The following GRIA4 variants were observed in gnomAD, a reference collection of about 807,000 sequenced individuals.
GRIA4 encodes the protein glutamate receptor 4.
GRIA4 carries 34 observed loss-of-function variants against 104.0 expected under a neutral mutation model. That is an observed-to-expected ratio of 0.33 (90% CI 0.25 to 0.44). The LOEUF is 0.44. Ranked by LOEUF, GRIA4 falls within the 20% of genes least tolerant of loss-of-function variation. The pLI, the probability that GRIA4 is intolerant of heterozygous loss-of-function variation, is 1.00. For missense variants in GRIA4, 750 were observed against 1,096.5 expected, an observed-to-expected ratio of 0.68 and a Z score of 4.46; for synonymous variants, 386 against 381.9, an observed-to-expected ratio of 1.01 and a Z score of -0.13.
At chr11:105,849,386 A>G (rs552585486) in intron 4 of GRIA4, among the ~76,000 whole-genome samples, 2 of 152,214 alleles carry the variant, frequency 1.3e-5, no homozygotes, top group South Asian at 2.1e-4. Flanking sequence ...GATGGACAGT[A>G]TCCAGCTCAG....
At chr11:105,720,843 A>G (rs1937758516) in intron 3 of GRIA4, among the ~76,000 whole-genome samples, 1 of 152,158 alleles carries the variant, frequency 6.6e-6, no homozygotes, top group Non-Finnish European at 1.5e-5. Flanking sequence ...CATTCGGAAT[A>G]GTGTCCCCCA....
At chr11:105,689,330 C>G (rs1332910937) in intron 3 of GRIA4, among the ~76,000 whole-genome samples, 1 of 152,136 alleles carries the variant, frequency 6.6e-6, no homozygotes, top group East Asian at 1.9e-4. Flanking sequence ...CCAAACCCTC[C>G]TTTGCCTGTT....
intron 4 of GRIA4, among the ~76,000 whole-genome samples, chr11:105,777,836 A>G (rs2135760279): frequency 6.6e-6 from 1 of 152,314 alleles, no homozygotes; most frequent in South Asian, 2.1e-4. Flanking sequence ...ACTAACAGAA[A>G]CCCACTACAG....
chr11:105,686,342 G>A lies in GRIA4; in HGVS notation c.248-66639G>A, dbSNP rs184573314. On this transcript the variant is annotated intron_variant, in intron 3 of 16. Transcript: ENST00000282499. ...AAGTGGTTTTTGGTTTAATGTTCCT[G>A]CGTTAATTCACTTAAGCTAGTGGCT... 2.0e-5 allele frequency among the ~76,000 whole-genome samples: 3 copies of A among 152,262 alleles called. No individual in the cohort carries two copies. In the East Asian group the frequency reaches 5.8e-4, roughly 29 times the overall value.
At chr11:105,744,590 T>C (rs530169702) in intron 3 of GRIA4, among the ~76,000 whole-genome samples, 1 of 152,178 alleles carries the variant, frequency 6.6e-6, no homozygotes, top group Non-Finnish European at 1.5e-5. Context: ...TCATATTCAA[T>C]TGGGGAAAAA....
At chr11:105,627,142 T>C (rs1273064732) in intron 3 of GRIA4, among the ~76,000 whole-genome samples, 2 of 152,210 alleles carry the variant, frequency 1.3e-5, no homozygotes, top group Non-Finnish European at 2.9e-5. Flanking sequence ...ACAATCTGCT[T>C]AGTCTTTGAA....
intron 3 of GRIA4, among the ~76,000 whole-genome samples, chr11:105,655,614 G>T (rs1383261379): frequency 6.6e-6 from 1 of 152,018 alleles, no homozygotes; most frequent in Non-Finnish European, 1.5e-5. Context: ...TTAGTTTGCT[G>T]AGAATGATGG....
At chr11:105,851,322 T>C (rs1944800476) in intron 4 of GRIA4, among the ~76,000 whole-genome samples, 2 of 152,152 alleles carry the variant, frequency 1.3e-5, no homozygotes, top group Non-Finnish European at 2.9e-5. Context: ...GTCTCATACT[T>C]AAAGGGAAGT....
intron 4 of GRIA4, among the ~76,000 whole-genome samples, chr11:105,841,658 T>G (rs1944399657): frequency 6.6e-6 from 1 of 152,194 alleles, no homozygotes; most frequent in Admixed American, 6.5e-5. Flanking sequence ...TTTTGTACAT[T>G]TTCTTGTCAT....
intron 14 of GRIA4, among the ~76,000 whole-genome samples, chr11:105,938,898 C>G (rs1215885959): frequency 6.6e-6 from 1 of 152,176 alleles, no homozygotes; most frequent in Non-Finnish European, 1.5e-5. Flanking sequence ...CTGCATTCCT[C>G]TCTTTCCAGA....
rs572841905 is a variant in GRIA4, at chr11:105,957,325, A to C, written c.2295-14589A>C. ...AAGGGATCCAGTTTCAGCTTTCTAC[A>C]TATGGCTAGCCAGTTTTCCCAGGAC... On this transcript the variant is annotated intron_variant, in intron 14 of 16. Transcript: ENST00000282499. Among the ~76,000 whole-genome samples the C allele has an allele frequency of 6.0e-3, 913 of 152,324 alleles. 4 individuals are homozygous for C. The highest frequency in any genetic ancestry group is 0.017 in the Middle Eastern group (5 of 294).
At chr11:105,950,607 A>G (rs533833999) in intron 14 of GRIA4, among the ~76,000 whole-genome samples, 57 of 152,324 alleles carry the variant, frequency 3.7e-4, no homozygotes, top group African/African-American at 1.3e-3. Flanking sequence ...AAATCAAGTC[A>G]TTTCATATAG....
At chr11:105,732,926 C>T (rs940493861) in intron 3 of GRIA4, among the ~76,000 whole-genome samples, 1 of 152,152 alleles carries the variant, frequency 6.6e-6, no homozygotes, top group Non-Finnish European at 1.5e-5. Context: ...TCGCATAGCA[C>T]TTTGCAGTTT....
At chr11:105,664,466 G>A (rs976772829) in intron 3 of GRIA4, among the ~76,000 whole-genome samples, 3 of 151,302 alleles carry the variant, frequency 2.0e-5, no homozygotes, top group Non-Finnish European at 2.9e-5. Context: ...ATCCCAAATC[G>A]GGATATAAGC....
At chr11:105,951,108 T>C (rs1948445360) in intron 14 of GRIA4, among the ~76,000 whole-genome samples, 1 of 152,128 alleles carries the variant, frequency 6.6e-6, no homozygotes, top group Non-Finnish European at 1.5e-5. Context: ...TTTAAAGCAA[T>C]TGATGAAAGT....
chr11:105,945,143 C>A (rs1186713820), intron 14 of GRIA4, among the ~76,000 whole-genome samples: 1 of 152,066 alleles, frequency 6.6e-6, no homozygotes, highest in South Asian at 2.1e-4. Flanking sequence ...AGGTGCCCAC[C>A]ATGATGCGCC....
At chr11:105,803,001 T>C (rs1942788491) in intron 4 of GRIA4, among the ~76,000 whole-genome samples, 1 of 152,108 alleles carries the variant, frequency 6.6e-6, no homozygotes, top group Non-Finnish European at 1.5e-5. Context: ...TAAATCACAG[T>C]AACTAACATT....
intron 3 of GRIA4, among the ~76,000 whole-genome samples, chr11:105,697,608 A>G (rs1308251945): frequency 2.0e-5 from 3 of 152,174 alleles, no homozygotes; most frequent in Non-Finnish European, 4.4e-5. Context: ...AGAAGACCTG[A>G]ATTGTTTGGA....
intron 3 of GRIA4, among the ~76,000 whole-genome samples, chr11:105,684,560 T>TATAC (rs1555100435): frequency 2.0e-3 from 272 of 137,894 alleles, no homozygotes; most frequent in South Asian, 3.4e-3. Context: ...TATATATATA[T>TATAC]ACACACCTTT....
Sources: allele counts gnomAD v4.1 joint callset (sites outside exome capture counted in the v4.1 genomes callset), GRCh38; gene constraint gnomAD v4.1.1; transcripts MANE v1.5; gene names NCBI Gene and HGNC (gene_info 2026-07-23, HGNC 2026-07-21).